SMAD3: variants seen among roughly 807,000 people sequenced by gnomAD.
The protein encoded by SMAD3 is SMAD family member 3, also known as MAD homolog 3.
SMAD3 carries 12 observed loss-of-function variants against 51.8 expected under a neutral mutation model. The ratio of observed to expected loss-of-function variants is 0.23; its 90% CI spans 0.15 to 0.38. SMAD3 has a LOEUF of 0.38. Ranked by LOEUF, SMAD3 falls within the 10% of genes least tolerant of loss-of-function variation. SMAD3 has a pLI of 1.00. For missense variants in SMAD3, 294 were observed against 565.6 expected (o/e 0.52, Z 4.87); for synonymous variants, 238 against 227.7 (o/e 1.05, Z -0.41).
chr15:67,168,361 C>T (rs1962648394), intron 4 of SMAD3, among the ~76,000 whole-genome samples: 1 of 152,216 alleles, frequency 6.6e-6, no homozygotes, highest in African/African-American at 2.4e-5. Flanking sequence ...ACACACCCAC[C>T]CGGCGGAGTG....
chr15:67,121,928 A>G (rs1172893801), intron 1 of SMAD3, among the ~76,000 whole-genome samples: 1 of 152,230 alleles, frequency 6.6e-6, no homozygotes, highest in Admixed American at 6.5e-5. Context: ...TCCGATACCT[A>G]TCCACCACCC....
At chr15:67,111,727 G>A (rs1961018292) in intron 1 of SMAD3, among the ~76,000 whole-genome samples, 1 of 152,148 alleles carries the variant, frequency 6.6e-6, no homozygotes, top group Admixed American at 6.5e-5. Context: ...GTTTTGATTT[G>A]CATTTCCCTA....
intron 1 of SMAD3, chr15:67,138,165 G>T: frequency 1.6e-6 from 2 of 1,267,772 alleles, no homozygotes; most frequent in South Asian, 1.3e-5. Flanking sequence ...CCCGTCCACA[G>T]GGTTGCTGGC....
intron 4 of SMAD3, among the ~76,000 whole-genome samples, chr15:67,169,217 G>A (rs1349128384): frequency 1.3e-5 from 2 of 152,114 alleles, no homozygotes; most frequent in Non-Finnish European, 2.9e-5. Flanking sequence ...TCGTGGGGTT[G>A]TCTAGACCCT....
At chr15:67,119,038 T>C (rs1484760563) in intron 1 of SMAD3, among the ~76,000 whole-genome samples, 2 of 152,126 alleles carry the variant, frequency 1.3e-5, no homozygotes, top group Non-Finnish European at 2.9e-5. Flanking sequence ...TGAGCTGAGA[T>C]ATACATTTGT....
At chr15:67,186,167 G>T (rs1035099475) in intron 7 of SMAD3, among the ~76,000 whole-genome samples, 6 of 152,224 alleles carry the variant, frequency 3.9e-5, no homozygotes, top group Non-Finnish European at 8.8e-5. Context: ...CTAGTAAGTG[G>T]CCAAGCCGGG....
intron 1 of SMAD3, among the ~76,000 whole-genome samples, chr15:67,101,078 A>G (rs535004658): frequency 2.0e-4 from 30 of 152,206 alleles, no homozygotes; most frequent in Admixed American, 5.2e-4. Flanking sequence ...TAGTAGAAAT[A>G]GAAATATCCC....
At chr15:67,115,660 C>G (rs1961119135) in intron 1 of SMAD3, among the ~76,000 whole-genome samples, 1 of 151,184 alleles carries the variant, frequency 6.6e-6, no homozygotes, top group Non-Finnish European at 1.5e-5. Flanking sequence ...GTCTGGTTAA[C>G]CACCCTCCTG....
intron 1 of SMAD3, among the ~76,000 whole-genome samples, chr15:67,136,262 C>A (rs1266859978): frequency 6.6e-6 from 1 of 152,106 alleles, no homozygotes; most frequent in Non-Finnish European, 1.5e-5. Flanking sequence ...AAAGATTGTG[C>A]CATCTTGAGC....
At chr15:67,154,625 A>G (rs1320242557) in intron 1 of SMAD3, among the ~76,000 whole-genome samples, 1 of 152,242 alleles carries the variant, frequency 6.6e-6, no homozygotes, top group Non-Finnish European at 1.5e-5. Flanking sequence ...AAACAACAAC[A>G]GTTTTAAAAA....
intron 8 of SMAD3, among the ~76,000 whole-genome samples, 159 bp from the exon 9 acceptor site, chr15:67,190,254 G>A (rs754192301): frequency 1.3e-5 from 2 of 152,140 alleles, no homozygotes; most frequent in South Asian, 2.1e-4. Flanking sequence ...GAGTTTGGCC[G>A]GGTAGTTTCA....
At chr15:67,076,933 T>A (rs1960183156) in intron 1 of SMAD3, among the ~76,000 whole-genome samples, 1 of 152,198 alleles carries the variant, frequency 6.6e-6, no homozygotes, top group South Asian at 2.1e-4. Context: ...GAGCTTGGAC[T>A]TGTGGCCTGG....
At chr15:67,130,662 G>T (rs756549197) in intron 1 of SMAD3, among the ~76,000 whole-genome samples, 2 of 152,194 alleles carry the variant, frequency 1.3e-5, no homozygotes, top group African/African-American at 4.8e-5. Flanking sequence ...GAATTTGCAC[G>T]TAGCAACTTA....
intron 6 of SMAD3, 76 bp downstream of exon 6, chr15:67,181,529 C>A: frequency 8.3e-7 from 1 of 1,209,138 alleles, no homozygotes; most frequent in Non-Finnish European, 1.2e-6. Context: ...CAGGCCTGAA[C>A]ACACAGCCTC....
chr15:67,184,133 ACT>A (rs1462789015), intron 6 of SMAD3, among the ~76,000 whole-genome samples: 1 of 139,194 alleles, frequency 7.2e-6, no homozygotes. Flanking sequence ...TTAGGGTCTC[ACT>A]CTGTCTCCCA....
intron 1 of SMAD3, among the ~76,000 whole-genome samples, chr15:67,078,307 C>T (rs1471338425): frequency 1.3e-5 from 2 of 152,222 alleles, no homozygotes; most frequent in African/African-American, 4.8e-5. Context: ...AGATCTCGGC[C>T]TCTGCTGGGT....
intron 1 of SMAD3, among the ~76,000 whole-genome samples, chr15:67,152,071 C>T (rs1013940823): frequency 1.3e-5 from 2 of 152,052 alleles, no homozygotes; most frequent in Non-Finnish European, 2.9e-5. Context: ...TGGTTTAGGA[C>T]ACTAGAACTG....
Position 67,066,223 on chromosome 15 carries a change from GA to G in SMAD3, c.71del (p.Asn24ThrfsTer92). 1 of 1,613,444 alleles carries G rather than the reference GA, an allele frequency of 6.2e-7. No individual in the cohort carries two copies. Among genetic ancestry groups the G allele is most frequent in the Non-Finnish European group, 8.5e-7 (1 of 1,179,766 alleles). On this transcript the variant is annotated frameshift_variant, in exon 1 of 9. Transcript: ENST00000327367. LOFTEE classifies it high-confidence loss of function. ...TGCTGGGCTGGAAGAAGGGCGAGCA[GA>G]ACGGGCAGGAGGAGAAATGGTGCGA... ...RLLGWKKGEQNGQEEKWCEKA... is the reference protein window; with the variant it reads ...RLLGWKKGEQXGQEEKWCEKA...
chr15:67,111,064 A>G (rs903319389), intron 1 of SMAD3, among the ~76,000 whole-genome samples: 5 of 152,230 alleles, frequency 3.3e-5, no homozygotes, highest in African/African-American at 1.2e-4. Flanking sequence ...TAGTGTATTA[A>G]TGGAGTTGTA....
Sources: allele counts gnomAD v4.1 joint callset (sites outside exome capture counted in the v4.1 genomes callset), GRCh38; gene constraint gnomAD v4.1.1; transcripts MANE v1.5; gene names NCBI Gene and HGNC (gene_info 2026-07-23, HGNC 2026-07-21).